The following MAML2 variants were observed in gnomAD, a reference collection of about 807,000 sequenced individuals.
The protein encoded by MAML2 is mastermind like transcriptional coactivator 2.
In MAML2, 22 loss-of-function variants were observed where a neutral mutation model predicts 96.1. That is an observed-to-expected ratio of 0.23 (90% CI 0.16 to 0.33). The LOEUF (loss-of-function observed/expected upper bound fraction) is 0.33, where lower values mean the gene tolerates loss of function less well. Ranked by LOEUF, MAML2 falls within the 10% of genes least tolerant of loss-of-function variation. MAML2 has a pLI of 1.00. For synonymous variants in MAML2, 561 were observed against 521.3 expected (o/e 1.08, Z -1.04); for missense variants, 1,367 against 1,392.4 (o/e 0.98, Z 0.29).
chr11:96,191,863 T>C (rs1861658912), intron 1 of MAML2, among the ~76,000 whole-genome samples: 1 of 152,094 alleles, frequency 6.6e-6, no homozygotes, highest in Admixed American at 6.5e-5. Flanking sequence ...CCCAAGTTCT[T>C]GTCTAGGACC....
chr11:96,139,760 C>G (rs904155899), intron 1 of MAML2, among the ~76,000 whole-genome samples: 7 of 151,982 alleles, frequency 4.6e-5, no homozygotes, highest in African/African-American at 7.3e-5. Context: ...AGTGCAGAAG[C>G]TCAGGGCAAT....
rs533788983 is a variant in MAML2, at chr11:96,202,220, G to A, written c.514-108703C>T. On this transcript the variant is annotated intron_variant, in intron 1 of 4. Coordinates refer to ENST00000524717, the MANE Select transcript of MAML2 (RefSeq NM_032427.4). ...AAAAAAATTAGCCGGGGGTGGTGGC[G>A]GGCGCCTGTAGTCCCAGCTACTCAG... Among the ~76,000 whole-genome samples the A allele has an allele frequency of 2.7e-5, 4 of 149,924 alleles. No individual in the cohort carries two copies. The East Asian group carries it at 6.0e-4, about 22-fold the overall frequency.
chr11:96,053,854 T>C (rs771701270), intron 2 of MAML2, among the ~76,000 whole-genome samples: 3 of 152,134 alleles, frequency 2.0e-5, no homozygotes, highest in Admixed American at 6.6e-5. Context: ...ATCTTTCCTT[T>C]CTCTCTTCAT....
At chr11:96,299,060 A>AAATATATAT (rs55878534) in intron 1 of MAML2, among the ~76,000 whole-genome samples, 3 of 56,342 alleles carry the variant, frequency 5.3e-5, no homozygotes, top group African/African-American at 2.7e-4. Context: ...AAAAAAAAAA[A>AAATATATAT]ATATATATAT....
chr11:96,331,484 G>A (rs561078400), intron 1 of MAML2, among the ~76,000 whole-genome samples: 2 of 151,966 alleles, frequency 1.3e-5, no homozygotes, highest in East Asian at 3.9e-4. Flanking sequence ...GTTCTTGGAG[G>A]CTTTCTCTTT....
intron 1 of MAML2, among the ~76,000 whole-genome samples, chr11:96,340,426 C>A (rs1021233790): frequency 4.6e-5 from 7 of 152,196 alleles, no homozygotes; most frequent in Non-Finnish European, 1.5e-5. Flanking sequence ...GCCACTGGTC[C>A]AGCAGCTTTG....
At chr11:96,315,059 T>C (rs1178632530) in intron 1 of MAML2, among the ~76,000 whole-genome samples, 2 of 152,256 alleles carry the variant, frequency 1.3e-5, no homozygotes, top group African/African-American at 4.8e-5. Context: ...ATAGATAGTA[T>C]GAGTTTCCTA....
chr11:96,253,974 G>A (rs951839468), intron 1 of MAML2, among the ~76,000 whole-genome samples: 1 of 152,154 alleles, frequency 6.6e-6, no homozygotes, highest in Non-Finnish European at 1.5e-5. Context: ...GAAGTGATGA[G>A]AAGTCTTTGC....
intron 1 of MAML2, among the ~76,000 whole-genome samples, chr11:96,288,609 A>G (rs1408787878): frequency 6.6e-6 from 1 of 152,110 alleles, no homozygotes; most frequent in African/African-American, 2.4e-5. Flanking sequence ...GTAGGATGAA[A>G]ATCAAACTGC....
intron 2 of MAML2, among the ~76,000 whole-genome samples, chr11:96,032,082 G>T (rs1858624869): frequency 6.6e-6 from 1 of 152,114 alleles, no homozygotes; most frequent in Non-Finnish European, 1.5e-5. Context: ...CTGAAAGTGA[G>T]CCCACAGTTT....
intron 1 of MAML2, among the ~76,000 whole-genome samples, chr11:96,176,493 A>G (rs1371231892): frequency 6.6e-6 from 1 of 152,152 alleles, no homozygotes; most frequent in Non-Finnish European, 1.5e-5. Context: ...CCCTGGATCT[A>G]TTCTGCGGTG....
chr11:96,128,054 A>C (rs1301700536), intron 1 of MAML2, among the ~76,000 whole-genome samples: 5 of 152,164 alleles, frequency 3.3e-5, no homozygotes, highest in African/African-American at 1.2e-4. Context: ...CAGGTACAGG[A>C]TGCGGACTGG....
chr11:96,168,662 T>C (rs1297492320), intron 1 of MAML2, among the ~76,000 whole-genome samples: 1 of 152,162 alleles, frequency 6.6e-6, no homozygotes, highest in Non-Finnish European at 1.5e-5. Context: ...CCTTTCCTCA[T>C]TGAGGGTCCC....
intron 1 of MAML2, among the ~76,000 whole-genome samples, chr11:96,214,864 G>A (rs1862026026): frequency 6.6e-6 from 1 of 152,200 alleles, no homozygotes; most frequent in Non-Finnish European, 1.5e-5. Flanking sequence ...AAATGCACAT[G>A]CTCTGACCTT....
chr11:96,145,167 G>C (rs541916341), intron 1 of MAML2, among the ~76,000 whole-genome samples: 1 of 152,214 alleles, frequency 6.6e-6, no homozygotes, highest in African/African-American at 2.4e-5. Flanking sequence ...GAAGCTCAGA[G>C]AGGTGGCATG....
intron 2 of MAML2, among the ~76,000 whole-genome samples, chr11:96,025,973 C>T (rs1311462689): frequency 6.6e-6 from 1 of 152,180 alleles, no homozygotes; most frequent in Non-Finnish European, 1.5e-5. Flanking sequence ...TTATAATGTT[C>T]CAGACACCTT....
intron 1 of MAML2, among the ~76,000 whole-genome samples, chr11:96,139,171 A>G (rs562126603): frequency 1.3e-5 from 2 of 152,284 alleles, no homozygotes; most frequent in East Asian, 3.9e-4. Flanking sequence ...GATCAGATAC[A>G]TTAGGCCTAT....
intron 1 of MAML2, among the ~76,000 whole-genome samples, chr11:96,304,243 A>G (rs897964231): frequency 1.3e-5 from 2 of 152,206 alleles, no homozygotes; most frequent in African/African-American, 2.4e-5. Flanking sequence ...CCTTAGAATA[A>G]GAAGTCAGGC....
rs141606014 is a variant in MAML2, at chr11:96,267,601, G to A, written c.513+73782C>T. On this transcript the variant is annotated intron_variant, in intron 1 of 4. Coordinates refer to ENST00000524717, the MANE Select transcript of MAML2 (RefSeq NM_032427.4). ...TTCACATTCTAGGTTCATTATTAAC[G>A]GGCTGGTGCTGCCCAGAGGTAGGAA... Among the ~76,000 whole-genome samples the A allele has an allele frequency of 3.6e-3, 552 of 152,250 alleles. 4 individuals carry two copies. Among genetic ancestry groups the A allele is most frequent in the Middle Eastern group, 0.014 (4 of 294 alleles).
Sources: allele counts gnomAD v4.1 joint callset (sites outside exome capture counted in the v4.1 genomes callset), GRCh38; gene constraint gnomAD v4.1.1; transcripts MANE v1.5; gene names NCBI Gene and HGNC (gene_info 2026-07-23, HGNC 2026-07-21).